The following C2orf15 variants were observed in gnomAD, a reference collection of about 807,000 sequenced individuals.
The protein encoded by C2orf15 is chromosome 2 open reading frame 15.
Under a neutral mutation model 4.4 loss-of-function variants are expected in C2orf15, and 3 were observed. That is an observed-to-expected ratio of 0.67 (90% CI 0.31 to 1.74). C2orf15 has a LOEUF of 1.74. C2orf15 is among the 40% of genes most tolerant of loss of function. C2orf15 has a pLI of 0.09. For synonymous variants in C2orf15, 37 were observed against 36.8 expected, an observed-to-expected ratio of 1.00 and a Z score of -0.02; for missense variants, 90 against 103.3, an observed-to-expected ratio of 0.87 and a Z score of 0.56.
intron 3 of C2orf15, among the ~76,000 whole-genome samples, chr2:99,149,228 T>C (rs2093663797): frequency 6.6e-6 from 1 of 151,428 alleles, no homozygotes; most frequent in Non-Finnish European, 1.5e-5. Flanking sequence ...CTGCTCCAGA[T>C]CTCAGGTTGC....
chr2:99,149,407 A>G (rs930191134), intron 3 of C2orf15, among the ~76,000 whole-genome samples: 3 of 150,606 alleles, frequency 2.0e-5, no homozygotes, highest in African/African-American at 7.3e-5. Context: ...CCTTTGGGAA[A>G]CTTCCCAAGG....
Position 99,150,971 on chromosome 2 carries a change from C to G in C2orf15, c.*137C>G. The G allele has an allele frequency of 1.8e-6, 1 of 552,094 alleles. No homozygotes were observed. The highest frequency in any genetic ancestry group is 3.2e-6 in the Non-Finnish European group (1 of 310,722). The allele number at this position is 552,094 out of a possible 1,614,324, so 34.2% of individuals were successfully genotyped here. On this transcript the variant is annotated 3_prime_UTR_variant, in exon 4 of 4. Transcript: ENST00000650052. ...GCCTTATTTTGCACTATTTGTGAAT[C>G]ATCTTACACTGCATTTTTTTATGAT...
chr2:99,148,668 A>C (rs193000118), intron 3 of C2orf15, among the ~76,000 whole-genome samples: 23 of 152,310 alleles, frequency 1.5e-4, no homozygotes, highest in Admixed American at 1.5e-3. Context: ...TAAAGACATA[A>C]TACATTCTAA....
rs764829417 is a variant in C2orf15, at chr2:99,150,523, C to T, written c.-36C>T. ...AACACTTCCACTACTTAAAAAGGTA[C>T]CTGCAAATTACTTTCACATTTGTTC... On this transcript the variant is annotated 5_prime_UTR_variant, in exon 4 of 4. Transcript: ENST00000650052. The T allele has an allele frequency of 6.3e-7, 1 of 1,591,884 alleles. No individual in the cohort carries two copies. The highest frequency in any genetic ancestry group is 8.5e-7 in the Non-Finnish European group (1 of 1,171,866).
Position 99,147,417 on chromosome 2 carries a change from G to A in C2orf15, c.-153G>A. The A allele has an allele frequency of 6.4e-7, 1 of 1,572,776 alleles. No individual in the cohort carries two copies. Among genetic ancestry groups the A allele is most frequent in the Non-Finnish European group, 8.7e-7 (1 of 1,143,308 alleles). On this transcript the variant is annotated 5_prime_UTR_variant, in exon 3 of 4. Transcript: ENST00000650052. ...TATATTCCAGATTTCTTCTTGAATG[G>A]CAACCTAAATGCCAGTCCAAAGAGG...
At chr2:99,144,956 G>C (rs950695389) in intron 2 of C2orf15, among the ~76,000 whole-genome samples, 2 of 152,172 alleles carry the variant, frequency 1.3e-5, no homozygotes, top group Admixed American at 1.3e-4. Context: ...AGAGTTGTTT[G>C]CTACGGCTGT....
Position 99,150,484 on chromosome 2 carries a change from A to C in C2orf15, c.-75A>C. The stretch of plus-strand genomic sequence containing the variant: ...TGTTACTTTTTTTTTTTTTTTCAGT[A>C]ATCAAGTTGAAGAAACACTTCCACT... On this transcript the variant is annotated splice_region_variant and 5_prime_UTR_variant, in exon 4 of 4. Coordinates refer to ENST00000650052, the MANE Select transcript of C2orf15 (RefSeq NM_144706.4). 6.9e-7 allele frequency: 1 copy of C among 1,459,606 alleles called. No homozygotes were observed. Among genetic ancestry groups the C allele is most frequent in the Non-Finnish European group, 9.2e-7 (1 of 1,082,354 alleles). The allele number at this position is 1,459,606 out of a possible 1,614,324, so 90.4% of individuals were successfully genotyped here.
chr2:99,148,955 T>A (rs548249296), intron 3 of C2orf15, among the ~76,000 whole-genome samples: 1 of 151,750 alleles, frequency 6.6e-6, no homozygotes, highest in East Asian at 1.9e-4. Flanking sequence ...TTATATATAT[T>A]TTACCACAAT....
At chr2:99,148,163 A>G (rs1402921863) in intron 3 of C2orf15, 1 of 152,220 alleles carries the variant, frequency 6.6e-6, no homozygotes, top group East Asian at 1.9e-4. Flanking sequence ...TGTTTCATAG[A>G]AGATACTTCT....
At chr2:99,145,641 C>T (rs895099926) in intron 2 of C2orf15, among the ~76,000 whole-genome samples, 5 of 152,092 alleles carry the variant, frequency 3.3e-5, no homozygotes, top group African/African-American at 1.2e-4. Context: ...TCAGAGTCAG[C>T]TGATTAGCAA....
intron 3 of C2orf15, among the ~76,000 whole-genome samples, chr2:99,148,974 T>C (rs1314515283): frequency 1.3e-5 from 2 of 151,630 alleles, no homozygotes; most frequent in African/African-American, 4.8e-5. Context: ...ATAAATAAAA[T>C]ATAGACTGGA....
At chr2:99,144,968 C>A (rs1171054147) in intron 2 of C2orf15, among the ~76,000 whole-genome samples, 1 of 152,130 alleles carries the variant, frequency 6.6e-6, no homozygotes, top group Non-Finnish European at 1.5e-5. Context: ...TACGGCTGTG[C>A]AACAATTTAC....
In C2orf15 at chr2:99,141,845, G is replaced by T. The variant is rs2093566214; in HGVS notation, c.-378G>T. 1 of 152,422 alleles carries T rather than the reference G, an allele frequency of 6.6e-6. No individual in the cohort carries two copies. Among genetic ancestry groups the T allele is most frequent in the Non-Finnish European group, 1.5e-5 (1 of 68,146 alleles). The allele number at this position is 152,422 out of a possible 1,614,324, so 9.4% of individuals were successfully genotyped here. On this transcript the variant is annotated 5_prime_UTR_variant, in exon 1 of 4. Transcript: ENST00000650052. Reference sequence around the variant, plus strand: ...GTTACTCTCAGAGCTGCTTTCGGGCGCAGCTCCTGCTGCAGCCAGGGCCCG... The same window carrying T: ...GTTACTCTCAGAGCTGCTTTCGGGCTCAGCTCCTGCTGCAGCCAGGGCCCG...
At position 99,150,921 on chromosome 2, in the gene C2orf15, C is replaced by G; in HGVS notation, c.*87C>G. ...AGAGAACTTAACCTTATTAGGAAAC[C>G]CTGACAAAATGATGGAAGACTATTG... On this transcript the variant is annotated 3_prime_UTR_variant, in exon 4 of 4. Coordinates refer to ENST00000650052, the MANE Select transcript of C2orf15 (RefSeq NM_144706.4). 1.2e-6 allele frequency: 1 copy of G among 823,748 alleles called. No individual in the cohort carries two copies. The highest frequency in any genetic ancestry group is 1.9e-6 in the Non-Finnish European group (1 of 517,270). 51.0% of individuals were successfully genotyped at this position (823,748 alleles called of 1,614,324 possible).
In C2orf15 at chr2:99,150,460, G is replaced by T. The variant is rs185674967; in HGVS notation, c.-76-23G>T. ...AGGGAAATTCCTGCTGCATTCACTT[G>T]TTACTTTTTTTTTTTTTTTCAGTAA... On this transcript the variant is annotated intron_variant, in intron 3 of 3. Transcript: ENST00000650052. The T allele has an allele frequency of 5.4e-4, 675 of 1,256,152 alleles. 4 individuals are homozygous for T. In the African/African-American group the frequency reaches 9.5e-3, roughly 18 times the overall value. The allele number at this position is 1,256,152 out of a possible 1,614,324, so 77.8% of individuals were successfully genotyped here.
chr2:99,142,849 C>T (rs927102006), intron 2 of C2orf15, among the ~76,000 whole-genome samples: 3 of 151,986 alleles, frequency 2.0e-5, no homozygotes, highest in East Asian at 1.9e-4. Context: ...TTGAAGACTT[C>T]GGGGGTGGGG....
chr2:99,151,000 T>A lies in C2orf15; in HGVS notation c.*166T>A, dbSNP rs2093688382. 4.0e-6 allele frequency: 2 copies of A among 499,030 alleles called. No individual in the cohort carries two copies. The highest frequency in any genetic ancestry group is 7.2e-6 in the Non-Finnish European group (2 of 278,200). The allele number at this position is 499,030 out of a possible 1,614,324, so 30.9% of individuals were successfully genotyped here. A position where few individuals can be genotyped will look rare whatever the true frequency, so the allele number is the denominator to read the frequency against. On this transcript the variant is annotated 3_prime_UTR_variant, in exon 4 of 4. Transcript: ENST00000650052. ...TTACACTGCATTTTTTTATGATGCT[T>A]ATTCAAAAGGCAGTTGCTTTAGGGT...
Position 99,150,802 on chromosome 2 carries a change from A to G in C2orf15, c.244A>G (p.Ser82Gly). The change falls in exon 4 of 4, where the codon AGT (serine) becomes GGT (glycine). Residue 82 changes from serine (S) to glycine (G), a missense_variant. Physicochemically the swap from Ser to Gly is moderately conservative, Grantham distance 56. Coordinates refer to ENST00000650052, the MANE Select transcript of C2orf15 (RefSeq NM_144706.4). ...GGGTTCAGTGGTATATGTCAAAGAA[A>G]GTGATGGACTAGAAATGACAGATGT... The part of the protein sequence containing the change: ...ALGSVVYVKE[S>G]DGLEMTDVE 6.3e-7 allele frequency: 1 copy of G among 1,598,862 alleles called. No individual in the cohort carries two copies. The highest frequency in any genetic ancestry group is 8.5e-7 in the Non-Finnish European group (1 of 1,175,668).
chr2:99,149,442 CTTTTT>C (rs35395900), intron 3 of C2orf15, among the ~76,000 whole-genome samples: 1 of 132,820 alleles, frequency 7.5e-6, no homozygotes, highest in African/African-American at 2.8e-5. Context: ...ACATGATCAT[CTTTTT>C]TTTTTTTTTT....
Sources: allele counts gnomAD v4.1 joint callset (sites outside exome capture counted in the v4.1 genomes callset), GRCh38; gene constraint gnomAD v4.1.1; transcripts MANE v1.5; gene names NCBI Gene and HGNC (gene_info 2026-07-23, HGNC 2026-07-21).